Variants in CDC6 observed in about 807,000 individuals in gnomAD.
CDC6 encodes the protein cell division cycle 6, also known as DNA replication factor CDC6.
In CDC6, 46 loss-of-function variants were observed where a neutral mutation model predicts 60.2. The observed-to-expected ratio is 0.76, with a 90% CI of 0.60 to 0.98. CDC6 has a LOEUF of 0.98. Among genes scored for constraint, CDC6 ranks in the 50% least tolerant of loss-of-function variants. The pLI, the probability that CDC6 is intolerant of heterozygous loss-of-function variation, is 0.00. For synonymous variants in CDC6, 210 were observed against 233.2 expected (o/e 0.90, Z 0.90); for missense variants, 596 against 652.9 (o/e 0.91, Z 0.95).
At chr17:40,292,501 G>C (rs2032779561) in intron 4 of CDC6, among the ~76,000 whole-genome samples, 1 of 152,102 alleles carries the variant, frequency 6.6e-6, no homozygotes. Context: ...CGGGCATGGT[G>C]GCAGGTGCCT....
intron 8 of CDC6, among the ~76,000 whole-genome samples, 178 bp from the exon 9 acceptor site, chr17:40,296,525 A>C (rs1310368670): frequency 6.6e-6 from 1 of 152,174 alleles, no homozygotes; most frequent in African/African-American, 2.4e-5. Flanking sequence ...ATTATAAAAC[A>C]TCATAATTTT....
In CDC6 at chr17:40,291,644, A is replaced by T; in HGVS notation, c.636A>T (p.Leu212Phe). ...GAPGTGKTAC[L>F]SRILQDLKKE... is the part of the protein sequence containing the mutation. The stretch of plus-strand genomic sequence containing the variant: ...CTGGAACTGGAAAAACTGCCTGCTT[A>T]AGCCGGATTCTGCAAGACCTCAAGG... Residue 212 changes from leucine (L) to phenylalanine (F), a missense_variant, in exon 4 of 12, where the codon TTA (leucine) becomes TTT (phenylalanine). Transcript: ENST00000209728. The T allele has an allele frequency of 6.2e-7, 1 of 1,614,226 alleles. No homozygotes were observed.
At position 40,291,568 on chromosome 17, in the gene CDC6, G is replaced by A; in HGVS notation, c.560G>A (p.Arg187Lys). ...ATGGATGTCATCAGGAATTTCTTGA[G>A]GGAACACATCTGTGGGAAAAAAGCT... ...REMDVIRNFL[R>K]EHICGKKAGS... Residue 187 changes from arginine (R) to lysine (K), a missense_variant, in exon 4 of 12, where the codon AGG (arginine) becomes AAG (lysine). Arg to Lys is a conservative substitution (Grantham distance 26, BLOSUM62 2). Transcript: ENST00000209728. The A allele has an allele frequency of 6.2e-7, 1 of 1,614,194 alleles. No homozygotes were observed. The highest frequency in any genetic ancestry group is 8.5e-7 in the Non-Finnish European group (1 of 1,180,036).
intron 4 of CDC6, 55 bp downstream of exon 4, chr17:40,291,723 T>G (rs2032765639): frequency 6.7e-7 from 1 of 1,502,386 alleles, no homozygotes; most frequent in Non-Finnish European, 9.3e-7. Context: ...TTGGGTGTTT[T>G]TGTTTGTTTG....
chr17:40,301,442 G>A (rs751804192), intron 10 of CDC6, 26 bp from the exon 11 acceptor site: 15 of 1,613,028 alleles, frequency 9.3e-6, no homozygotes, highest in East Asian at 2.2e-5. Context: ...TTTAAGCAGC[G>A]TTTGTTCTCC....
rs1163482371 is a variant in CDC6, at chr17:40,302,136, A to G, written c.*135A>G. 9.7e-6 allele frequency: 7 copies of G among 723,364 alleles called. No homozygotes were observed. The highest frequency in any genetic ancestry group is 5.3e-5 in the African/African-American group (3 of 56,610). 44.8% of individuals were successfully genotyped at this position (723,364 alleles called of 1,614,324 possible). ...ACTTGAAGCCAATGAATTTTAATCT[A>G]TAGATTCTTTAATATTAGCACAGAA... On this transcript the variant is annotated 3_prime_UTR_variant, in exon 12 of 12. Coordinates refer to ENST00000209728, the MANE Select transcript of CDC6 (RefSeq NM_001254.4).
chr17:40,293,562 C>G lies in CDC6; in HGVS notation c.767C>G (p.Ser256Cys). Reference sequence around the variant, plus strand: ...CAGGAGATTTGTCAGGAAGAGGTATCCAGGCCAGCTGGGAAGGACATGATG... The same window carrying G: ...CAGGAGATTTGTCAGGAAGAGGTATGCAGGCCAGCTGGGAAGGACATGATG... ...IAQEICQEEV[S>C]RPAGKDMMRK... The change falls in exon 5 of 12, where the codon TCC becomes TGC. Residue 256 changes from serine to cysteine, a missense_variant. Ser to Cys is a moderately radical substitution (Grantham distance 112, BLOSUM62 -1). Coordinates refer to ENST00000209728, the MANE Select transcript of CDC6 (RefSeq NM_001254.4). 2 of 1,613,714 alleles carry G rather than the reference C, an allele frequency of 1.2e-6. No homozygotes were observed. Among genetic ancestry groups the G allele is most frequent in the Non-Finnish European group, 1.7e-6 (2 of 1,179,654 alleles).
intron 4 of CDC6, among the ~76,000 whole-genome samples, chr17:40,292,685 T>C (rs567280610): frequency 2.5e-4 from 38 of 151,562 alleles, no homozygotes; most frequent in African/African-American, 9.0e-4. Flanking sequence ...ATCCCAGCAC[T>C]TTGGGAGGCC....
Position 40,295,414 on chromosome 17 carries a change from C to G in CDC6, c.1142C>G (p.Ser381Cys), listed in dbSNP as rs1219012249. ...AAVQFCARKV[S>C]AVSGDVRKAL... is the part of the protein sequence containing the mutation. ...GTTCAATTCTGTGCCCGCAAAGTCT[C>G]TGCTGTTTCAGGAGATGTTCGCAAA... The change falls in exon 8 of 12, where the codon TCT (serine) becomes TGT (cysteine). Residue 381 changes from serine to cysteine, a missense_variant. By Grantham distance (112) the Ser-to-Cys change is moderately radical (BLOSUM62 -1). Coordinates refer to ENST00000209728, the MANE Select transcript of CDC6 (RefSeq NM_001254.4). 6.2e-7 allele frequency: 1 copy of G among 1,613,376 alleles called. No individual in the cohort carries two copies. Among genetic ancestry groups the G allele is most frequent in the Admixed American group, 1.7e-5 (1 of 59,926 alleles).
chr17:40,292,728 G>A (rs1429839837), intron 4 of CDC6, among the ~76,000 whole-genome samples: 2 of 151,368 alleles, frequency 1.3e-5, no homozygotes, highest in Non-Finnish European at 2.9e-5. Flanking sequence ...AGGAGATTGA[G>A]ACCATCCTGA....
In CDC6 at chr17:40,301,912, G is replaced by A. The variant is rs2032945801; in HGVS notation, c.1594G>A (p.Val532Met). The change falls in exon 12 of 12, where the codon GTG becomes ATG. Residue 532 changes from valine to methionine, a missense_variant and splice_region_variant. Physicochemically the swap from Val to Met is conservative, Grantham distance 21. Coordinates refer to ENST00000209728, the MANE Select transcript of CDC6 (RefSeq NM_001254.4). ...AAAAATCCTTTTCTCTTCTTTCCAG[G>A]TGTTTTTCAAGATTGAAGAGAAAGA... Reference protein sequence around the residue: ...KRNKETRLTKVFFKIEEKEIE... With the variant: ...KRNKETRLTKMFFKIEEKEIE... The A allele has an allele frequency of 1.9e-6, 3 of 1,563,006 alleles. No individual in the cohort carries two copies. The Admixed American group carries it at 5.0e-5, about 26-fold the overall frequency.
At chr17:40,292,662 G>A (rs548723811) in intron 4 of CDC6, among the ~76,000 whole-genome samples, 1 of 151,838 alleles carries the variant, frequency 6.6e-6, no homozygotes, top group Non-Finnish European at 1.5e-5. Context: ...GGGCATGGTG[G>A]CTCACGCCTA....
chr17:40,300,799 G>A (rs899942464), intron 9 of CDC6, 29 bp from the exon 10 acceptor site: 12 of 1,528,364 alleles, frequency 7.9e-6, no homozygotes, highest in East Asian at 2.3e-5. Flanking sequence ...TTTAGAAATC[G>A]AATTAAGCTT....
At chr17:40,299,896 G>A (rs1194885978) in intron 9 of CDC6, among the ~76,000 whole-genome samples, 1 of 152,144 alleles carries the variant, frequency 6.6e-6, no homozygotes, top group African/African-American at 2.4e-5. Context: ...TGACATGGCA[G>A]CGACTTCACT....
intron 11 of CDC6, 64 bp from the exon 12 acceptor site, chr17:40,301,848 G>A (rs974688995): frequency 9.0e-7 from 1 of 1,107,394 alleles, no homozygotes; most frequent in Non-Finnish European, 1.4e-6. Context: ...GTAGAAGTTT[G>A]TATACTGACA....
At chr17:40,292,579 G>C (rs1484046700) in intron 4 of CDC6, among the ~76,000 whole-genome samples, 1 of 151,184 alleles carries the variant, frequency 6.6e-6, no homozygotes, top group Non-Finnish European at 1.5e-5. Flanking sequence ...AGGTTGCAGT[G>C]AGCTGAGATC....
chr17:40,291,637 C>G lies in CDC6; in HGVS notation c.629C>G (p.Ala210Gly). Residue 210 changes from alanine (A) to glycine (G), a missense_variant, in exon 4 of 12, where the codon GCC (alanine) becomes GGC (glycine). Physicochemically the swap from Ala to Gly is moderately conservative, Grantham distance 60. Transcript: ENST00000209728. ...LSGAPGTGKT[A>G]CLSRILQDLK... ...GGTGCTCCTGGAACTGGAAAAACTG[C>G]CTGCTTAAGCCGGATTCTGCAAGAC... 1 of 1,614,218 alleles carries G rather than the reference C, an allele frequency of 6.2e-7. No individual in the cohort carries two copies. The highest frequency in any genetic ancestry group is 8.5e-7 in the Non-Finnish European group (1 of 1,180,028).
At chr17:40,291,448 G>A (rs1442302908) in intron 3 of CDC6, 21 bp from the exon 4 acceptor site, 122 of 1,613,758 alleles carry the variant, frequency 7.6e-5, no homozygotes, top group Non-Finnish European at 9.9e-5. Context: ...GTGTCTAATT[G>A]ACCTTTTATG....
At position 40,300,984 on chromosome 17, in the gene CDC6, T is replaced by C; in HGVS notation, c.1406T>C (p.Met469Thr). 1.2e-6 allele frequency: 2 copies of C among 1,614,134 alleles called. No homozygotes were observed. The highest frequency in any genetic ancestry group is 8.5e-7 in the Non-Finnish European group (1 of 1,179,994). ...LQQKILVCSLMLLIRQLKIKE... is the reference protein window; with the variant it reads ...LQQKILVCSLTLLIRQLKIKE... ...CAGAAGATCTTGGTTTGCTCTTTGA[T>C]GCTCTTGATCAGGCAGTTGAAAATC... The change falls in exon 10 of 12, where the codon ATG becomes ACG. Residue 469 changes from methionine to threonine, a missense_variant. Physicochemically the swap from Met to Thr is moderately conservative, Grantham distance 81. Coordinates refer to ENST00000209728, the MANE Select transcript of CDC6 (RefSeq NM_001254.4).
Sources: allele counts gnomAD v4.1 joint callset (sites outside exome capture counted in the v4.1 genomes callset), GRCh38; gene constraint gnomAD v4.1.1; transcripts MANE v1.5; gene names NCBI Gene and HGNC (gene_info 2026-07-23, HGNC 2026-07-21).